Variants in DPYD observed in about 807,000 individuals in gnomAD.
DPYD encodes the protein dihydropyrimidine dehydrogenase, also known as dihydropyrimidine dehydrogenase [NADP(+)].
In DPYD, 109 loss-of-function variants were observed where a neutral mutation model predicts 116.2. That is an observed-to-expected ratio of 0.94 (90% CI 0.80 to 1.10). DPYD has a LOEUF of 1.10. Ranked by LOEUF, DPYD falls within the 50% of genes least tolerant of loss-of-function variation. DPYD has a pLI of 0.00. For missense variants in DPYD, 1,302 were observed against 1,254.5 expected, an observed-to-expected ratio of 1.04 and a Z score of -0.57; for synonymous variants, 440 against 432.0, an observed-to-expected ratio of 1.02 and a Z score of -0.23.
intron 2 of DPYD, among the ~76,000 whole-genome samples, chr1:97,840,360 C>T (rs1417420188): frequency 4.0e-5 from 6 of 151,784 alleles, no homozygotes; most frequent in African/African-American, 4.8e-5. Flanking sequence ...AGCATCCAAG[C>T]GGAAAATGGG....
intron 8 of DPYD, among the ~76,000 whole-genome samples, chr1:97,634,150 T>G (rs895210041): frequency 1.3e-5 from 2 of 152,198 alleles, no homozygotes; most frequent in Admixed American, 6.6e-5. Context: ...AAGAAACTGC[T>G]AAACCACTAA....
chr1:97,368,613 T>C (rs1389243845), intron 16 of DPYD, among the ~76,000 whole-genome samples: 5 of 152,132 alleles, frequency 3.3e-5, no homozygotes, highest in Non-Finnish European at 7.3e-5. Flanking sequence ...TGATAGCTGA[T>C]GGAAGGTCTA....
intron 13 of DPYD, among the ~76,000 whole-genome samples, chr1:97,512,946 T>C (rs1314343274): frequency 2.0e-5 from 3 of 151,848 alleles, no homozygotes; most frequent in Non-Finnish European, 4.4e-5. Flanking sequence ...AAAAGCCATT[T>C]TTGATGTTAT....
intron 21 of DPYD, among the ~76,000 whole-genome samples, chr1:97,084,905 G>T (rs290851): frequency 0.95 from 144,090 of 152,224 alleles, 68,513 homozygotes; most frequent in East Asian, 1. Flanking sequence ...CAATGGGTAC[G>T]CAAATATTTG....
intron 19 of DPYD, among the ~76,000 whole-genome samples, chr1:97,225,592 G>C (rs1452592354): frequency 7.0e-6 from 1 of 143,586 alleles, no homozygotes; most frequent in East Asian, 2.0e-4. Flanking sequence ...TGAATTGTGA[G>C]AGCTCCTTAT....
intron 12 of DPYD, among the ~76,000 whole-genome samples, chr1:97,522,452 G>T (rs1032171548): frequency 4.6e-5 from 7 of 152,220 alleles, no homozygotes; most frequent in Non-Finnish European, 8.8e-5. Flanking sequence ...GTCGGGCGTG[G>T]TGGCTCACAC....
chr1:97,469,397 C>CAAAAAAAAAAAAAAAGAAAAAA (rs1677504682), intron 13 of DPYD, among the ~76,000 whole-genome samples: 3 of 80,800 alleles, frequency 3.7e-5, no homozygotes, highest in Non-Finnish European at 6.4e-5. Context: ...GCTAAAATTG[C>CAAAAAAAAAAAAAAAGAAAAAA]AAAAAAAAAA....
intron 20 of DPYD, among the ~76,000 whole-genome samples, chr1:97,116,710 A>G (rs148417702): frequency 3.3e-5 from 5 of 152,174 alleles, no homozygotes; most frequent in African/African-American, 1.2e-4. Flanking sequence ...ATATATAAAT[A>G]TACAAATAAA....
chr1:97,654,883 A>G (rs1350056200), intron 8 of DPYD, among the ~76,000 whole-genome samples: 2 of 152,192 alleles, frequency 1.3e-5, no homozygotes, highest in Non-Finnish European at 1.5e-5. Context: ...AATCAGCAGC[A>G]GATGAAAAGT....
chr1:97,187,994 G>A (rs1233273909), intron 20 of DPYD, among the ~76,000 whole-genome samples: 1 of 152,020 alleles, frequency 6.6e-6, no homozygotes, highest in Non-Finnish European at 1.5e-5. Flanking sequence ...ATAATTTGAG[G>A]TCAGGTAATG....
At chr1:97,352,057 T>C (rs989914523) in intron 16 of DPYD, among the ~76,000 whole-genome samples, 5 of 152,162 alleles carry the variant, frequency 3.3e-5, no homozygotes, top group African/African-American at 1.2e-4. Flanking sequence ...TTCTTTGGTA[T>C]TCACTGCCAA....
chr1:97,345,440 A>G (rs376119357), intron 16 of DPYD, among the ~76,000 whole-genome samples: 2 of 152,032 alleles, frequency 1.3e-5, no homozygotes, highest in East Asian at 3.9e-4. Flanking sequence ...AAACTTTGTG[A>G]TCAAAACAAA....
intron 13 of DPYD, among the ~76,000 whole-genome samples, chr1:97,493,991 G>A (rs997164697): frequency 6.6e-6 from 1 of 152,212 alleles, no homozygotes; most frequent in South Asian, 2.1e-4. Flanking sequence ...AGAGGAATTC[G>A]AAATTATTAA....
At chr1:97,661,990 C>CTTT (rs374466952) in intron 8 of DPYD, among the ~76,000 whole-genome samples, 26 of 116,624 alleles carry the variant, frequency 2.2e-4, no homozygotes, top group Non-Finnish European at 3.2e-4. Context: ...TCCAAGTCAA[C>CTTT]TTTTTTTTTT....
At chr1:97,919,777 G>T (rs555658402) in intron 1 of DPYD, among the ~76,000 whole-genome samples, 1 of 152,148 alleles carries the variant, frequency 6.6e-6, no homozygotes, top group Non-Finnish European at 1.5e-5. Flanking sequence ...AACCAGAGAT[G>T]TCCACATAAT....
chr1:97,268,786 G>C (rs900160789), intron 18 of DPYD, among the ~76,000 whole-genome samples: 3 of 152,144 alleles, frequency 2.0e-5, no homozygotes, highest in Non-Finnish European at 4.4e-5. Context: ...GAAGATCTCA[G>C]AAATGCCTCC....
At chr1:97,508,028 G>A (rs542186320) in intron 13 of DPYD, among the ~76,000 whole-genome samples, 54 of 152,092 alleles carry the variant, frequency 3.6e-4, no homozygotes, top group African/African-American at 1.1e-3. Context: ...TATGTATTGC[G>A]TCCTTTCTAT....
intron 1 of DPYD, among the ~76,000 whole-genome samples, chr1:97,885,760 C>CT (rs959225425): frequency 6.6e-6 from 1 of 152,028 alleles, no homozygotes; most frequent in African/African-American, 2.4e-5. Flanking sequence ...AATTGGAACT[C>CT]TGTTTTTCTG....
chr1:97,589,201 C>T (rs891955061), intron 10 of DPYD, among the ~76,000 whole-genome samples: 43 of 152,226 alleles, frequency 2.8e-4, no homozygotes, highest in Admixed American at 2.8e-3. Flanking sequence ...TGGATTAAAA[C>T]ATTCCTGAGT....
Sources: allele counts gnomAD v4.1 joint callset (sites outside exome capture counted in the v4.1 genomes callset), GRCh38; gene constraint gnomAD v4.1.1; transcripts MANE v1.5; gene names NCBI Gene and HGNC (gene_info 2026-07-23, HGNC 2026-07-21).